CRADD: variants seen among roughly 807,000 people sequenced by gnomAD.
CRADD encodes the protein CARD and death domain containing adaptor protein.
CRADD carries 9 observed loss-of-function variants against 15.5 expected under a neutral mutation model. The ratio of observed to expected loss-of-function variants is 0.58; its 90% CI spans 0.35 to 1.01. The LOEUF (loss-of-function observed/expected upper bound fraction) is 1.01, where lower values mean the gene tolerates loss of function less well. Among genes scored for constraint, CRADD ranks in the 50% least tolerant of loss-of-function variants. The pLI is 0.02. For missense variants in CRADD, 227 were observed against 250.3 expected (o/e 0.91, Z 0.63); for synonymous variants, 118 against 107.6 (o/e 1.10, Z -0.60).
At chr12:93,681,922 G>A (rs533604850) in intron 2 of CRADD, among the ~76,000 whole-genome samples, 1 of 152,204 alleles carries the variant, frequency 6.6e-6, no homozygotes, top group African/African-American at 2.4e-5. Context: ...TGTTTTTTGT[G>A]TGTGTGGGAA....
At chr12:93,745,188 C>T (rs1956731814) in intron 2 of CRADD, among the ~76,000 whole-genome samples, 1 of 152,096 alleles carries the variant, frequency 6.6e-6, no homozygotes, top group African/African-American at 2.4e-5. Context: ...GCTTATACGT[C>T]CAAATTTACT....
intron 2 of CRADD, among the ~76,000 whole-genome samples, chr12:93,826,197 A>G (rs1244807656): frequency 1.3e-5 from 2 of 152,232 alleles, no homozygotes; most frequent in East Asian, 1.9e-4. Flanking sequence ...AGAGCAGCCA[A>G]TTTTGTGGAA....
intron 2 of CRADD, among the ~76,000 whole-genome samples, chr12:93,827,803 A>G (rs1344381954): frequency 6.6e-6 from 1 of 152,208 alleles, no homozygotes; most frequent in African/African-American, 2.4e-5. Context: ...TGTTAAGTAT[A>G]GGTACAATGT....
chr12:93,781,795 G>A (rs1369261053), intron 2 of CRADD, among the ~76,000 whole-genome samples: 3 of 152,220 alleles, frequency 2.0e-5, no homozygotes, highest in African/African-American at 4.8e-5. Flanking sequence ...GTACAGATCA[G>A]CCAATGCCTG....
At chr12:93,860,961 C>T (rs1277762867) in intron 2 of CRADD, among the ~76,000 whole-genome samples, 1 of 152,232 alleles carries the variant, frequency 6.6e-6, no homozygotes, top group African/African-American at 2.4e-5. Flanking sequence ...CCTCGGAGCG[C>T]CAGGCTGCTT....
downstream of CRADD, among the ~76,000 whole-genome samples, chr12:93,853,944 A>G (rs1958249707): frequency 6.6e-6 from 1 of 152,194 alleles, no homozygotes; most frequent in Non-Finnish European, 1.5e-5. Flanking sequence ...TGTTATAAAC[A>G]GTGATGCAAG....
chr12:93,880,398 T>C (rs1310556124), intron 2 of CRADD, among the ~76,000 whole-genome samples: 1 of 152,114 alleles, frequency 6.6e-6, no homozygotes, highest in Non-Finnish European at 1.5e-5. Context: ...TATTCCTACA[T>C]TGGTTCTGGC....
chr12:93,850,152 G>A lies in CRADD; in HGVS notation c.481G>A (p.Val161Met), dbSNP rs765166293. 7.4e-6 allele frequency: 12 copies of A among 1,613,918 alleles called. No homozygotes were observed. The South Asian group carries it at 1.1e-4, about 15-fold the overall frequency. ...NHPHNVQSQV[V>M]EAFIRWRQRF... The stretch of plus-strand genomic sequence containing the variant: ...CCCCCACAACGTGCAGTCGCAGGTG[G>A]TGGAGGCCTTCATCCGTTGGCGGCA... The change falls in exon 3 of 3, where the codon GTG (valine) becomes ATG (methionine). Residue 161 changes from valine to methionine, a missense_variant. Coordinates refer to ENST00000332896, the MANE Select transcript of CRADD (RefSeq NM_003805.5). The surrounding 1 kb of genome is among the most constrained non-coding windows in gnomAD (Gnocchi z 4.0).
rs922409374 is a variant in CRADD at position 93,738,596 on chromosome 12, A to T, written c.298+59524A>T. On this transcript the variant is annotated intron_variant, in intron 2 of 2. Coordinates refer to ENST00000332896, the MANE Select transcript of CRADD (RefSeq NM_003805.5). ...CTCCCACCGCCACCCCCTGCACCAC[A>T]CGCCAGCCCTTAATAAAAACTAAAA... The T allele has an allele frequency of 1.6e-5, 10 of 607,188 alleles. No individual in the cohort carries two copies. The Admixed American group carries it at 2.9e-4, about 18-fold the overall frequency. 37.6% of individuals were successfully genotyped at this position (607,188 alleles called of 1,614,324 possible). A position where few individuals can be genotyped will look rare whatever the true frequency, so the allele number is the denominator to read the frequency against.
At chr12:93,882,566 G>GT (rs1958510350) in intron 2 of CRADD, among the ~76,000 whole-genome samples, 1 of 152,004 alleles carries the variant, frequency 6.6e-6, no homozygotes, top group Non-Finnish European at 1.5e-5. Context: ...GGAGGGCCTT[G>GT]TTTTTGAGAT....
chr12:93,868,437 T>G (rs1171185736), intron 2 of CRADD, among the ~76,000 whole-genome samples: 2 of 152,172 alleles, frequency 1.3e-5, no homozygotes, highest in Non-Finnish European at 2.9e-5. Flanking sequence ...AGCCTTATTA[T>G]TGAATACTTG....
At chr12:93,714,531 A>G (rs1456749426) in intron 2 of CRADD, 1 of 152,280 alleles carries the variant, frequency 6.6e-6, no homozygotes, top group Non-Finnish European at 1.5e-5. Flanking sequence ...CAAACAAACC[A>G]AAGTGACAAT....
At chr12:93,697,278 G>T (rs918728270) in intron 2 of CRADD, among the ~76,000 whole-genome samples, 1 of 152,202 alleles carries the variant, frequency 6.6e-6, no homozygotes, top group Non-Finnish European at 1.5e-5. Flanking sequence ...ATTAGTGCCT[G>T]ACTAAAGGGC....
At chr12:93,781,749 G>A (rs765112835) in intron 2 of CRADD, among the ~76,000 whole-genome samples, 3 of 152,196 alleles carry the variant, frequency 2.0e-5, no homozygotes, top group Non-Finnish European at 2.9e-5. Context: ...TAGGAAATAC[G>A]GGAGACAGAG....
intron 2 of CRADD, among the ~76,000 whole-genome samples, chr12:93,818,874 TGC>T (rs1389981156): frequency 2.0e-5 from 3 of 152,320 alleles, no homozygotes; most frequent in Non-Finnish European, 2.9e-5. Flanking sequence ...ACAGCATTCG[TGC>T]CATAGCATAG....
chr12:93,841,898 C>T lies in CRADD; in HGVS notation c.299-8072C>T, dbSNP rs561175917. Among the ~76,000 whole-genome samples, 7 of 152,226 alleles carry T rather than the reference C, an allele frequency of 4.6e-5. No homozygotes were observed. In the East Asian group the frequency reaches 1.4e-3, roughly 29 times the overall value. ...CATCAGTAACAGTGGTTCACTGCAGCCGTGAGCTGGGGTGACTGGTATATT... is the reference window on the plus strand; with the variant it reads ...CATCAGTAACAGTGGTTCACTGCAGTCGTGAGCTGGGGTGACTGGTATATT... On this transcript the variant is annotated intron_variant, in intron 2 of 2. Coordinates refer to ENST00000332896, the MANE Select transcript of CRADD (RefSeq NM_003805.5).
At chr12:93,682,810 T>C (rs776505895) in intron 2 of CRADD, among the ~76,000 whole-genome samples, 3 of 150,780 alleles carry the variant, frequency 2.0e-5, no homozygotes, top group Non-Finnish European at 4.4e-5. Flanking sequence ...CAATCTCTGT[T>C]AGGAAAAAAA....
chr12:93,870,436 T>A (rs1958408476), intron 2 of CRADD, among the ~76,000 whole-genome samples: 1 of 152,152 alleles, frequency 6.6e-6, no homozygotes, highest in African/African-American at 2.4e-5. Context: ...AAGTTCCCAG[T>A]CTGGGGCTAC....
chr12:93,711,055 C>CTTTTTTTT (rs397850463), intron 2 of CRADD, among the ~76,000 whole-genome samples: 1 of 43,508 alleles, frequency 2.3e-5, no homozygotes, highest in Admixed American at 2.6e-4. Flanking sequence ...CCACCCCCGC[C>CTTTTTTTT]TTTTTTTTTT....
Sources: allele counts gnomAD v4.1 joint callset (sites outside exome capture counted in the v4.1 genomes callset), GRCh38; gene constraint gnomAD v4.1.1; non-coding constraint Gnocchi (gnomAD v3.1); transcripts MANE v1.5; gene names NCBI Gene and HGNC (gene_info 2026-07-23, HGNC 2026-07-21).